CSMD1: variants seen among roughly 807,000 people sequenced by gnomAD.
CSMD1 encodes CUB and Sushi multiple domains 1.
CSMD1 carries 213 observed loss-of-function variants against 417.5 expected under a neutral mutation model. The ratio of observed to expected loss-of-function variants is 0.51; its 90% CI spans 0.46 to 0.57. The LOEUF is 0.57. Ranked by LOEUF, CSMD1 falls within the 20% of genes least tolerant of loss-of-function variation. The pLI is 0.00. For missense variants in CSMD1, 6,923 were observed against 4,529.7 expected (o/e 1.53, Z -15.17); for synonymous variants, 2,862 against 1,736.8 (o/e 1.65, Z -16.11).
At chr8:3,624,775 T>C (rs2077680851) in intron 7 of CSMD1, among the ~76,000 whole-genome samples, 1 of 152,362 alleles carries the variant, frequency 6.6e-6, no homozygotes, top group Admixed American at 6.5e-5. Flanking sequence ...CAGTTTGAAA[T>C]ATGTCAACAA....
intron 26 of CSMD1, among the ~76,000 whole-genome samples, chr8:3,276,170 C>G (rs1471949813): frequency 2.6e-5 from 4 of 152,056 alleles, no homozygotes; most frequent in African/African-American, 7.2e-5. Flanking sequence ...AGATGCAGGT[C>G]TGTTGGAGTA....
chr8:3,668,606 C>T (rs555674821), intron 7 of CSMD1, among the ~76,000 whole-genome samples: 188 of 152,060 alleles, frequency 1.2e-3, no homozygotes, highest in Admixed American at 3.0e-3. Flanking sequence ...GCAAAAGAGA[C>T]GAAGCCCTGG....
At chr8:4,088,212 T>C (rs1427096248) in intron 3 of CSMD1, among the ~76,000 whole-genome samples, 1 of 152,206 alleles carries the variant, frequency 6.6e-6, no homozygotes, top group East Asian at 1.9e-4. Flanking sequence ...TAAAGATGAC[T>C]GATCTCTGCC....
intron 3 of CSMD1, among the ~76,000 whole-genome samples, chr8:4,376,829 G>T (rs910764229): frequency 6.6e-6 from 1 of 152,130 alleles, no homozygotes; most frequent in Non-Finnish European, 1.5e-5. Context: ...TCACCCCTGT[G>T]ATTTTGTCTT....
At chr8:4,828,905 T>C (rs191848615) in intron 1 of CSMD1, among the ~76,000 whole-genome samples, 29 of 152,288 alleles carry the variant, frequency 1.9e-4, no homozygotes, top group African/African-American at 7.0e-4. Context: ...TCCCAGTACT[T>C]AATGTGTTCA....
intron 5 of CSMD1, among the ~76,000 whole-genome samples, chr8:3,916,517 A>C (rs1229459544): frequency 6.6e-6 from 1 of 152,194 alleles, no homozygotes; most frequent in African/African-American, 2.4e-5. Context: ...CTTCCTACTT[A>C]GGGATACGCC....
At chr8:3,535,426 T>A (rs1350909437) in intron 10 of CSMD1, among the ~76,000 whole-genome samples, 1 of 152,150 alleles carries the variant, frequency 6.6e-6, no homozygotes, top group Non-Finnish European at 1.5e-5. Flanking sequence ...CAAGGGGTCT[T>A]CCCTCCGGTT....
intron 1 of CSMD1, among the ~76,000 whole-genome samples, chr8:4,794,840 C>A (rs1797887343): frequency 6.6e-6 from 1 of 152,124 alleles, no homozygotes. Context: ...GGAAAACTGA[C>A]CTCCAAGACA....
At chr8:3,390,794 T>C (rs1811303260) in intron 17 of CSMD1, among the ~76,000 whole-genome samples, 1 of 152,160 alleles carries the variant, frequency 6.6e-6, no homozygotes, top group Non-Finnish European at 1.5e-5. Flanking sequence ...CAGGGTTCTG[T>C]ATGAATCAAC....
chr8:3,041,196 G>A (rs949254354), intron 50 of CSMD1, among the ~76,000 whole-genome samples: 1 of 151,922 alleles, frequency 6.6e-6, no homozygotes, highest in Non-Finnish European at 1.5e-5. Flanking sequence ...AATTTTACAG[G>A]GTTAAAGCAA....
intron 5 of CSMD1, among the ~76,000 whole-genome samples, chr8:3,776,929 G>T (rs2720757): frequency 0.23 from 34,633 of 150,982 alleles, 4,762 homozygotes; most frequent in African/African-American, 0.39. Flanking sequence ...TGCCCAGCCT[G>T]GTCTCAACTC....
At chr8:4,821,863 C>G (rs1463431846) in intron 1 of CSMD1, among the ~76,000 whole-genome samples, 3 of 152,154 alleles carry the variant, frequency 2.0e-5, no homozygotes, top group Non-Finnish European at 2.9e-5. Context: ...CCCACTGCCT[C>G]CACACGCTTC....
At chr8:3,779,381 G>T (rs1451030511) in intron 5 of CSMD1, among the ~76,000 whole-genome samples, 1 of 152,108 alleles carries the variant, frequency 6.6e-6, no homozygotes, top group African/African-American at 2.4e-5. Flanking sequence ...TGAAGAAGGG[G>T]CTTCAGAAAC....
At chr8:4,980,093 AT>A (rs965277473) in intron 1 of CSMD1, among the ~76,000 whole-genome samples, 3 of 152,158 alleles carry the variant, frequency 2.0e-5, no homozygotes, top group Non-Finnish European at 4.4e-5. Flanking sequence ...ACAACCATGC[AT>A]TTTTTACCTC....
intron 2 of CSMD1, among the ~76,000 whole-genome samples, chr8:4,636,050 G>C (rs1039976048): frequency 3.3e-5 from 5 of 151,808 alleles, no homozygotes; most frequent in African/African-American, 1.2e-4. Context: ...TAGTTATGTA[G>C]CATATATTGA....
chr8:2,957,419 G>A (rs139753643), intron 63 of CSMD1, among the ~76,000 whole-genome samples: 175 of 152,134 alleles, frequency 1.2e-3, no homozygotes, highest in African/African-American at 4.0e-3. Flanking sequence ...CTCCTGGAGC[G>A]CTTGTTAAAC....
chr8:3,578,146 T>C (rs1162368290), intron 9 of CSMD1, among the ~76,000 whole-genome samples: 2 of 152,188 alleles, frequency 1.3e-5, no homozygotes, highest in East Asian at 3.9e-4. Flanking sequence ...TCCGTCAGCT[T>C]CCAGCACCAG....
chr8:3,766,565 A>G lies in CSMD1; in HGVS notation c.819-12523T>C, dbSNP rs150316538. Among the ~76,000 whole-genome samples, 5 of 152,246 alleles carry G rather than the reference A, an allele frequency of 3.3e-5. No homozygotes were observed. The East Asian group carries it at 9.7e-4, about 29-fold the overall frequency. On this transcript the variant is annotated intron_variant, in intron 5 of 69. Transcript: ENST00000635120. ...CAGTCGGCACTGGCAATGGATATCC[A>G]TATCATATTTTGACTATCAAAAAAG... is the stretch of plus-strand genomic sequence containing the variant.
chr8:3,107,594 T>TTCTTTC (rs1251044152), intron 45 of CSMD1, 124 bp downstream of exon 45: 4 of 337,028 alleles, frequency 1.2e-5, no homozygotes, highest in African/African-American at 1.1e-4. Flanking sequence ...AGTTTGTTCT[T>TTCTTTC]TGTTTCTGTT....
Sources: allele counts gnomAD v4.1 joint callset (sites outside exome capture counted in the v4.1 genomes callset), GRCh38; gene constraint gnomAD v4.1.1; transcripts MANE v1.5; gene names NCBI Gene and HGNC (gene_info 2026-07-23, HGNC 2026-07-21).